ZNF385D: variants seen among roughly 807,000 people sequenced by gnomAD.
ZNF385D encodes the protein zinc finger protein 659.
In ZNF385D, 15 loss-of-function variants were observed where a neutral mutation model predicts 35.8. That is an observed-to-expected ratio of 0.42 (90% CI 0.28 to 0.64). The LOEUF (loss-of-function observed/expected upper bound fraction) is 0.64. ZNF385D is among the 30% of genes least tolerant of loss of function. The pLI, the probability that ZNF385D is intolerant of heterozygous loss-of-function variation, is 0.23. For synonymous variants in ZNF385D, 212 were observed against 186.8 expected (o/e 1.13, Z -1.10); for missense variants, 474 against 494.6 (o/e 0.96, Z 0.39).
chr3:22,317,813 C>A (rs976394103), intron 2 of ZNF385D, among the ~76,000 whole-genome samples: 1 of 152,114 alleles, frequency 6.6e-6, no homozygotes, highest in African/African-American at 2.4e-5. Flanking sequence ...GTAATCCCAG[C>A]ACTTTAGGAG....
chr3:21,739,867 A>G (rs1298048851), intron 1 of ZNF385D, among the ~76,000 whole-genome samples: 1 of 152,210 alleles, frequency 6.6e-6, no homozygotes, highest in Non-Finnish European at 1.5e-5. Context: ...CAGTGTTTCC[A>G]GTGCTTTCCA....
intron 3 of ZNF385D, among the ~76,000 whole-genome samples, chr3:21,993,748 T>C (rs899440913): frequency 2.6e-5 from 4 of 152,164 alleles, no homozygotes; most frequent in African/African-American, 7.2e-5. Context: ...TGCAGATCAT[T>C]TGAAGCAGAG....
intron 3 of ZNF385D, among the ~76,000 whole-genome samples, chr3:22,123,206 G>A (rs998003858): frequency 6.6e-6 from 1 of 152,126 alleles, no homozygotes; most frequent in Admixed American, 6.6e-5. Flanking sequence ...AGAAAAAGTG[G>A]AGGGGAGAAG....
chr3:22,212,039 T>C (rs147587622), intron 2 of ZNF385D, among the ~76,000 whole-genome samples: 1 of 152,168 alleles, frequency 6.6e-6, no homozygotes, highest in African/African-American at 2.4e-5. Flanking sequence ...TCCTCTAAGA[T>C]GTACTGCAAT....
intron 3 of ZNF385D, among the ~76,000 whole-genome samples, chr3:22,067,100 C>T (rs566376461): frequency 6.6e-6 from 1 of 152,210 alleles, no homozygotes; most frequent in Non-Finnish European, 1.5e-5. Flanking sequence ...TAGTTAGAAG[C>T]TGTTAAAGTA....
chr3:21,685,204 A>T (rs1236454131), intron 1 of ZNF385D, among the ~76,000 whole-genome samples: 1 of 152,198 alleles, frequency 6.6e-6, no homozygotes, highest in African/African-American at 2.4e-5. Flanking sequence ...TTCCTTCTCA[A>T]TGAACGTAGA....
chr3:21,956,008 A>G lies in ZNF385D; in HGVS notation c.325+212809T>C, dbSNP rs564943354. ...TGAAACGAGCTTGGAAAACATGGCGAGAACCTGTCTCTCTAAAAAAGAAAA... is the reference window on the plus strand; with the variant it reads ...TGAAACGAGCTTGGAAAACATGGCGGGAACCTGTCTCTCTAAAAAAGAAAA... On this transcript the variant is annotated intron_variant, in intron 3 of 5. Transcript: ENST00000494108. 1.4e-4 allele frequency among the ~76,000 whole-genome samples: 22 copies of G among 152,136 alleles called. No homozygotes were observed. The Middle Eastern group carries it at 0.014, about 94-fold the overall frequency.
intron 3 of ZNF385D, among the ~76,000 whole-genome samples, chr3:21,877,349 G>A (rs1698033512): frequency 6.6e-6 from 1 of 152,020 alleles, no homozygotes; most frequent in Non-Finnish European, 1.5e-5. Flanking sequence ...ATCCACTAAG[G>A]AAATCAATTC....
At chr3:21,673,632 C>A (rs1197220290) in intron 1 of ZNF385D, among the ~76,000 whole-genome samples, 1 of 152,014 alleles carries the variant, frequency 6.6e-6, no homozygotes, top group African/African-American at 2.4e-5. Flanking sequence ...CCATGGCAGT[C>A]TATGAATCTT....
intron 4 of ZNF385D, among the ~76,000 whole-genome samples, chr3:21,490,846 A>C (rs373709657): frequency 5.4e-4 from 75 of 137,648 alleles, no homozygotes; most frequent in Middle Eastern, 3.4e-3. Flanking sequence ...GCTCATATGC[A>C]TGCATGACTC....
chr3:22,328,159 C>CT (rs1694764432), intron 2 of ZNF385D, among the ~76,000 whole-genome samples: 1 of 152,032 alleles, frequency 6.6e-6, no homozygotes, highest in South Asian at 2.1e-4. Flanking sequence ...TCCATTTGCA[C>CT]TTTTTTTCCT....
intron 2 of ZNF385D, among the ~76,000 whole-genome samples, chr3:21,587,738 C>T (rs1441663569): frequency 2.0e-5 from 3 of 151,906 alleles, no homozygotes; most frequent in Admixed American, 1.3e-4. Context: ...CTTTGAGTAA[C>T]GTTAGAAGAA....
intron 3 of ZNF385D, among the ~76,000 whole-genome samples, chr3:21,831,712 A>G (rs961691021): frequency 3.3e-5 from 5 of 152,122 alleles, no homozygotes; most frequent in African/African-American, 1.2e-4. Flanking sequence ...TTTGCCTTCT[A>G]TTGGATATAA....
chr3:22,061,238 A>G (rs1699670401), intron 3 of ZNF385D, among the ~76,000 whole-genome samples: 1 of 152,224 alleles, frequency 6.6e-6, no homozygotes, highest in African/African-American at 2.4e-5. Flanking sequence ...ATAAAGTATG[A>G]AGAAAAGTAG....
chr3:22,341,454 T>C (rs1470865114), intron 2 of ZNF385D, among the ~76,000 whole-genome samples: 1 of 152,202 alleles, frequency 6.6e-6, no homozygotes, highest in Non-Finnish European at 1.5e-5. Context: ...TTTAAAAAGT[T>C]CACTGTCCAA....
intron 2 of ZNF385D, among the ~76,000 whole-genome samples, chr3:22,228,068 A>G (rs948930911): frequency 2.0e-5 from 3 of 152,186 alleles, no homozygotes; most frequent in South Asian, 2.1e-4. Flanking sequence ...GGATGAAGAC[A>G]GCGGAGACGG....
At chr3:21,743,808 G>C (rs2125532564) in intron 1 of ZNF385D, among the ~76,000 whole-genome samples, 1 of 152,304 alleles carries the variant, frequency 6.6e-6, no homozygotes, top group East Asian at 1.9e-4. Flanking sequence ...TGCCTTCTAA[G>C]CAGAATTCAT....
intron 2 of ZNF385D, among the ~76,000 whole-genome samples, chr3:21,656,173 A>C (rs921964837): frequency 1.3e-5 from 2 of 151,974 alleles, no homozygotes; most frequent in Non-Finnish European, 1.5e-5. Flanking sequence ...TCAGGTAGGA[A>C]GCTGGATTAC....
At chr3:22,110,196 T>C (rs1194282412) in intron 3 of ZNF385D, among the ~76,000 whole-genome samples, 1 of 152,074 alleles carries the variant, frequency 6.6e-6, no homozygotes, top group African/African-American at 2.4e-5. Flanking sequence ...GGTGGGACTG[T>C]AAACTAGTTC....
Sources: allele counts gnomAD v4.1 joint callset (sites outside exome capture counted in the v4.1 genomes callset), GRCh38; gene constraint gnomAD v4.1.1; transcripts MANE v1.5; gene names NCBI Gene and HGNC (gene_info 2026-07-23, HGNC 2026-07-21).